Variants in DNHD1 observed in about 807,000 individuals in gnomAD.
DNHD1 encodes the protein dynein heavy chain domain 1.
A neutral mutation model predicts 458.1 loss-of-function variants in DNHD1; 383 were observed. The ratio of observed to expected loss-of-function variants is 0.84; its 90% CI spans 0.77 to 0.91. DNHD1 has a LOEUF of 0.91. DNHD1 is among the 40% of genes least tolerant of loss of function. The pLI is 0.00. For missense variants in DNHD1, 5,336 were observed against 5,866.1 expected (o/e 0.91, Z 2.95); for synonymous variants, 2,203 against 2,376.9 (o/e 0.93, Z 2.13).
chr11:6,536,556 G>A (rs1852954425), intron 14 of DNHD1, among the ~76,000 whole-genome samples: 1 of 152,146 alleles, frequency 6.6e-6, no homozygotes, highest in African/African-American at 2.4e-5. Flanking sequence ...TGGGTAAAAT[G>A]TCAACAAAAG....
rs766513879 is a variant in DNHD1 at position 6,556,855 on chromosome 11, A to G, written c.7560A>G (p.Arg2520=). 56 of 1,550,538 alleles carry G rather than the reference A, an allele frequency of 3.6e-5. 1 individual carries two copies. In the South Asian group the frequency reaches 6.4e-4, roughly 18 times the overall value. The stretch of plus-strand genomic sequence containing the variant: ...GCCCACTGTGTCCACGCCTCTTTCG[A>G]CTCTTCACAGTCCTGGCCCTGGAAA... ...CERPLCPRLF[R]LFTVLALESM... is the part of the protein sequence containing the mutation. Residue 2520 remains arginine (R), a synonymous_variant, in exon 25 of 43, where the codon CGA becomes CGG. Coordinates refer to ENST00000254579, the MANE Select transcript of DNHD1 (RefSeq NM_144666.3).
chr11:6,499,062 T>G lies in DNHD1; in HGVS notation c.746+101T>G. The stretch of plus-strand genomic sequence containing the variant: ...TGGAAGTTTAGATCCAGCTCTCTGT[T>G]TATCACAGGGATTAGCCCAACTCCA... On this transcript the variant is annotated intron_variant, in intron 3 of 42. Coordinates refer to ENST00000254579, the MANE Select transcript of DNHD1 (RefSeq NM_144666.3). The G allele has an allele frequency of 4.4e-6, 6 of 1,358,682 alleles. No individual in the cohort carries two copies. In the South Asian group the frequency reaches 8.9e-5, roughly 20 times the overall value. 84.2% of individuals were successfully genotyped at this position (1,358,682 alleles called of 1,614,324 possible).
rs11604149 is a variant in DNHD1 at position 6,498,412 on chromosome 11, G to A, written c.197G>A (p.Arg66Gln). ...CTGGAACTCCTGCTAGCTGAGCTCC[G>A]AACTCTGTTCTCAGCTGTGTTGCAG... The part of the protein sequence containing the change: ...TVLELLLAEL[R>Q]TLFSAVLQDS... The change falls in exon 3 of 43, where the codon CGA becomes CAA. Residue 66 changes from arginine (R) to glutamine (Q), a missense_variant. Coordinates refer to ENST00000254579, the MANE Select transcript of DNHD1 (RefSeq NM_144666.3). 787,694 of 1,613,920 alleles carry A rather than the reference G, an allele frequency of 0.49. 196,700 individuals carry two copies. Among genetic ancestry groups the A allele is most frequent in the Non-Finnish European group, 0.52 (609,886 of 1,179,970 alleles).
chr11:6,537,583 G>T (rs1320423171), intron 14 of DNHD1, among the ~76,000 whole-genome samples: 2 of 152,066 alleles, frequency 1.3e-5, no homozygotes, highest in Non-Finnish European at 2.9e-5. Flanking sequence ...GGTTGAAAAT[G>T]CCGGGAAGGG....
chr11:6,522,558 T>G (rs1358954608), intron 10 of DNHD1, among the ~76,000 whole-genome samples: 3 of 152,094 alleles, frequency 2.0e-5, no homozygotes, highest in Non-Finnish European at 4.4e-5. Context: ...TACAAAAAAC[T>G]CCTGTGATAG....
At chr11:6,510,190 T>G (rs1852309638) in intron 6 of DNHD1, among the ~76,000 whole-genome samples, 1 of 151,994 alleles carries the variant, frequency 6.6e-6, no homozygotes, top group African/African-American at 2.4e-5. Flanking sequence ...TTCAAGCAAT[T>G]CTCCTGCCTC....
chr11:6,567,491 G>A lies in DNHD1; in HGVS notation c.11982G>A (p.Glu3994=). The stretch of plus-strand genomic sequence containing the variant: ...CCTGGCATGAATGTGAGATGTTAGA[G>A]CTGCTGCCCCCATTTGTTGGCCTGT... ...PKAWHECEML[E]LLPPFVGLCA... The change falls in exon 36 of 43, where the codon GAG becomes GAA. Residue 3994 remains glutamate, a synonymous_variant. Transcript: ENST00000254579. 1 of 1,613,550 alleles carries A rather than the reference G, an allele frequency of 6.2e-7. No individual in the cohort carries two copies. The highest frequency in any genetic ancestry group is 8.5e-7 in the Non-Finnish European group (1 of 1,179,712).
At chr11:6,504,807 G>A (rs1008985668) in intron 4 of DNHD1, among the ~76,000 whole-genome samples, 4 of 152,070 alleles carry the variant, frequency 2.6e-5, no homozygotes, top group Non-Finnish European at 5.9e-5. Context: ...ACACCAGCTG[G>A]TAGCCCCTTT....
chr11:6,532,414 C>A (rs550763118), intron 12 of DNHD1, among the ~76,000 whole-genome samples: 2 of 152,326 alleles, frequency 1.3e-5, no homozygotes, highest in African/African-American at 4.8e-5. Flanking sequence ...CCTTATCCAC[C>A]TGAGACTTTC....
At chr11:6,507,740 G>A (rs913549962) in intron 4 of DNHD1, among the ~76,000 whole-genome samples, 57 of 152,306 alleles carry the variant, frequency 3.7e-4, no homozygotes, top group African/African-American at 1.3e-3. Flanking sequence ...GCATGAGTCA[G>A]GTAACTTTGG....
Position 6,557,829 on chromosome 11 carries a change from T to C in DNHD1, c.8534T>C (p.Leu2845Pro). ...TACCTGGAACGACAGTGGGAGAAGC[T>C]AGAGGAGCAGTTGGCCACCTCAGCT... ...NLYLERQWEK[L>P]EEQLATSAAQ... is the part of the protein sequence containing the mutation. Residue 2845 changes from leucine (L) to proline (P), a missense_variant, in exon 25 of 43, where the codon CTA (leucine) becomes CCA (proline). By Grantham distance (98) the Leu-to-Pro change is moderately conservative. Around this residue, in one of 4 missense-constraint regions of DNHD1, gnomAD observed 3,932 missense variants for 4,365.6 expected, o/e 0.90. Transcript: ENST00000254579. 1 of 1,551,288 alleles carries C rather than the reference T, an allele frequency of 6.4e-7. No homozygotes were observed. The highest frequency in any genetic ancestry group is 8.7e-7 in the Non-Finnish European group (1 of 1,146,996).
intron 17 of DNHD1, among the ~76,000 whole-genome samples, chr11:6,539,574 GGTGCCCCCCAACACCT>G (rs1198527242): frequency 5.3e-5 from 8 of 152,232 alleles, no homozygotes; most frequent in African/African-American, 1.9e-4. Flanking sequence ...CAGAATGGCA[GGTGCCCCCCAACACCT>G]GTCTTGTCCC....
rs374571394 is a variant in DNHD1, at chr11:6,571,076, G to A, written c.13564G>A (p.Ala4522Thr). The A allele has an allele frequency of 9.5e-6, 15 of 1,586,398 alleles. No homozygotes were observed. Among genetic ancestry groups the A allele is most frequent in the African/African-American group, 6.7e-5 (5 of 74,500 alleles). Residue 4522 changes from alanine to threonine, a missense_variant, in exon 42 of 43, where the codon GCT becomes ACT. By Grantham distance (58) the Ala-to-Thr change is moderately conservative. Transcript: ENST00000254579. This position sits in a 1 kb window ranked among gnomAD's most constrained non-coding sequence, Gnocchi z 5.0. ...GAPPCPSRRC[A>T]AVAHALWTGR... ...ACCCCCGTGCCCCTCCCGCCGCTGT[G>A]CTGCGGTGGCCCACGCTCTCTGGAC... is the stretch of plus-strand genomic sequence containing the variant.
intron 10 of DNHD1, among the ~76,000 whole-genome samples, chr11:6,523,000 C>T (rs959907318): frequency 5.3e-5 from 8 of 152,158 alleles, no homozygotes; most frequent in African/African-American, 1.7e-4. Flanking sequence ...ACAATTTTAT[C>T]GGAAGTTTTC....
intron 16 of DNHD1, among the ~76,000 whole-genome samples, 164 bp downstream of exon 16, chr11:6,538,974 A>T (rs762728636): frequency 1.3e-5 from 2 of 152,044 alleles, no homozygotes; most frequent in African/African-American, 2.4e-5. Flanking sequence ...TGGGACAAAA[A>T]TTTTTAACTT....
intron 24 of DNHD1, 158 bp downstream of exon 24, chr11:6,549,091 TC>T: frequency 1.3e-6 from 1 of 784,750 alleles, no homozygotes; most frequent in Non-Finnish European, 2.0e-6. Flanking sequence ...CCCTGAACAA[TC>T]CCATCCACTC....
In DNHD1 at chr11:6,556,950, C is replaced by T; in HGVS notation, c.7655C>T (p.Ser2552Phe). The change falls in exon 25 of 43, where the codon TCT becomes TTT. Residue 2552 changes from serine to phenylalanine, a missense_variant. Ser to Phe is a radical substitution (Grantham distance 155). Around this residue, in one of 4 missense-constraint regions of DNHD1, gnomAD observed 3,932 missense variants for 4,365.6 expected, o/e 0.90. Coordinates refer to ENST00000254579, the MANE Select transcript of DNHD1 (RefSeq NM_144666.3). ...IIQAWLERFP[S>F]VERERALARG... ...CAGGCTTGGCTTGAGCGTTTCCCTT[C>T]TGTGGAACGGGAGCGTGCTCTGGCA... is the stretch of plus-strand genomic sequence containing the variant. 6.4e-7 allele frequency: 1 copy of T among 1,551,760 alleles called. No homozygotes were observed. Among genetic ancestry groups the T allele is most frequent in the Middle Eastern group, 1.7e-4 (1 of 5,992 alleles).
chr11:6,520,565 C>G (rs1852585810), intron 10 of DNHD1: 1 of 1,264,344 alleles, frequency 7.9e-7, no homozygotes. Context: ...CTGATTCATC[C>G]CAAACTCTGT....
rs147597453 is a variant in DNHD1, at chr11:6,546,596, G to A, written c.5657G>A (p.Arg1886Gln). The stretch of plus-strand genomic sequence containing the variant: ...AAGCAGATACTGGAAGACACAATAC[G>A]GACACTAAATGTGACCAAGGAGGAA... Reference protein sequence around the residue: ...LLKQILEDTIRTLNVTKEEPK... With the variant: ...LLKQILEDTIQTLNVTKEEPK... Residue 1886 changes from arginine to glutamine, a missense_variant, in exon 21 of 43, where the codon CGG (arginine) becomes CAG (glutamine). This residue lies in a region of DNHD1 where 3,932 missense variants were observed against 4,365.6 expected (regional missense o/e 0.90). Transcript: ENST00000254579. 2,145 of 1,551,792 alleles carry A rather than the reference G, an allele frequency of 1.4e-3. 19 individuals carry two copies. In the African/African-American group the frequency reaches 0.018, roughly 13 times the overall value.
Sources: allele counts gnomAD v4.1 joint callset (sites outside exome capture counted in the v4.1 genomes callset), GRCh38; gene constraint gnomAD v4.1.1; regional missense constraint gnomAD v4.1.1; non-coding constraint Gnocchi (gnomAD v3.1); transcripts MANE v1.5; gene names NCBI Gene and HGNC (gene_info 2026-07-23, HGNC 2026-07-21).